SORCS2: variants seen among roughly 807,000 people sequenced by gnomAD.
SORCS2 encodes sortilin related VPS10 domain containing receptor 2.
SORCS2 carries 100 observed loss-of-function variants against 141.6 expected under a neutral mutation model. That is an observed-to-expected ratio of 0.71 (90% CI 0.60 to 0.83). The LOEUF is 0.83. Ranked by LOEUF, SORCS2 falls within the 40% of genes least tolerant of loss-of-function variation. The pLI is 0.00. For synonymous variants in SORCS2, 789 were observed against 676.9 expected (o/e 1.17, Z -2.57); for missense variants, 1,646 against 1,560.2 (o/e 1.05, Z -0.93).
chr4:7,434,476 G>A, intron 2 of SORCS2: 2 of 1,611,566 alleles, frequency 1.2e-6, no homozygotes, highest in Non-Finnish European at 1.7e-6. Context: ...GCTGAGCGCT[G>A]TGCACACCTG....
At chr4:7,364,243 C>A (rs536515561) in intron 1 of SORCS2, among the ~76,000 whole-genome samples, 3 of 152,350 alleles carry the variant, frequency 2.0e-5, no homozygotes, top group South Asian at 4.1e-4. Context: ...AGGTACCCAA[C>A]CCACCCTGGA....
At position 7,525,471 on chromosome 4, in the gene SORCS2, C is replaced by T. The variant is rs1446739574; in HGVS notation, c.549-6059C>T. On this transcript the variant is annotated intron_variant, in intron 2 of 26. Coordinates refer to ENST00000507866, the MANE Select transcript of SORCS2 (RefSeq NM_020777.3). Reference sequence around the variant, plus strand: ...CCAGACCCCCCAACCGTGCTTCACCCGGGGGCAGTCCTGACTCCCAGCCCA... The same window carrying T: ...CCAGACCCCCCAACCGTGCTTCACCTGGGGGCAGTCCTGACTCCCAGCCCA... 5.3e-5 allele frequency among the ~76,000 whole-genome samples: 8 copies of T among 152,120 alleles called. No homozygotes were observed. The South Asian group carries it at 8.3e-4, about 16-fold the overall frequency.
intron 4 of SORCS2, among the ~76,000 whole-genome samples, chr4:7,642,263 G>A (rs1426727164): frequency 1.3e-5 from 2 of 152,220 alleles, no homozygotes; most frequent in Admixed American, 1.3e-4. Context: ...CTTCCTTGGG[G>A]ATGGCTTGTG....
chr4:7,653,533 G>T (rs1161359141), intron 4 of SORCS2, among the ~76,000 whole-genome samples: 1 of 152,148 alleles, frequency 6.6e-6, no homozygotes, highest in Admixed American at 6.5e-5. Context: ...GTGAGCCACC[G>T]CACCTGGCCC....
intron 3 of SORCS2, among the ~76,000 whole-genome samples, chr4:7,637,701 A>G (rs1372252016): frequency 1.3e-5 from 2 of 152,072 alleles, no homozygotes; most frequent in Non-Finnish European, 2.9e-5. Context: ...GCACTCATGA[A>G]TGAATGAATG....
chr4:7,386,001 G>T (rs1001016963), intron 1 of SORCS2, among the ~76,000 whole-genome samples: 1 of 152,214 alleles, frequency 6.6e-6, no homozygotes, highest in Non-Finnish European at 1.5e-5. Flanking sequence ...GAGGGAGGCT[G>T]TGGCCAGACT....
intron 3 of SORCS2, among the ~76,000 whole-genome samples, chr4:7,601,011 G>C (rs1436366526): frequency 6.6e-6 from 1 of 152,172 alleles, no homozygotes; most frequent in Non-Finnish European, 1.5e-5. Flanking sequence ...TCAGCCTCCT[G>C]AGTAGCTGGG....
chr4:7,259,647 G>A (rs1263102475), intron 1 of SORCS2, among the ~76,000 whole-genome samples: 1 of 152,136 alleles, frequency 6.6e-6, no homozygotes, highest in Non-Finnish European at 1.5e-5. Context: ...CTCCCCTCCT[G>A]CCTCCCGCCC....
chr4:7,556,019 A>T (rs895809573), intron 3 of SORCS2, among the ~76,000 whole-genome samples: 1 of 152,244 alleles, frequency 6.6e-6, no homozygotes, highest in African/African-American at 2.4e-5. Flanking sequence ...CTCAACTCAC[A>T]TCGCGATGCT....
chr4:7,379,648 GC>G (rs1368052293), intron 1 of SORCS2, among the ~76,000 whole-genome samples: 9 of 152,170 alleles, frequency 5.9e-5, no homozygotes, highest in African/African-American at 2.2e-4. Flanking sequence ...TGGGTAACCT[GC>G]CCAAAGCCAC....
intron 3 of SORCS2, among the ~76,000 whole-genome samples, chr4:7,567,268 A>G (rs1560392253): frequency 6.6e-6 from 1 of 152,116 alleles, no homozygotes; most frequent in South Asian, 2.1e-4. Flanking sequence ...TGCAAACTGT[A>G]TTCAGATTTC....
intron 2 of SORCS2, among the ~76,000 whole-genome samples, chr4:7,399,836 G>A (rs371362258): frequency 6.8e-4 from 103 of 152,280 alleles, no homozygotes; most frequent in African/African-American, 2.3e-3. Flanking sequence ...GGGAAGGCGT[G>A]AGTTCAAGGT....
chr4:7,496,442 T>G (rs1001170214), intron 2 of SORCS2, among the ~76,000 whole-genome samples: 1 of 64,926 alleles, frequency 1.5e-5, no homozygotes, highest in Non-Finnish European at 3.1e-5. Flanking sequence ...CCCCCCCCAC[T>G]CCCCACCCGT....
chr4:7,623,052 G>A (rs1719306081), intron 3 of SORCS2, among the ~76,000 whole-genome samples: 1 of 151,938 alleles, frequency 6.6e-6, no homozygotes, highest in African/African-American at 2.4e-5. Context: ...GACAGAAGAC[G>A]GTGCTACCTC....
chr4:7,733,167 C>T (rs1313584262), intron 23 of SORCS2, among the ~76,000 whole-genome samples, 155 bp from the exon 24 acceptor site: 4 of 148,896 alleles, frequency 2.7e-5, no homozygotes, highest in African/African-American at 9.9e-5. Flanking sequence ...TCCCCCACCC[C>T]CCATGGAGGA....
At chr4:7,468,502 T>C (rs1282997260) in intron 2 of SORCS2, among the ~76,000 whole-genome samples, 1 of 152,236 alleles carries the variant, frequency 6.6e-6, no homozygotes, top group Non-Finnish European at 1.5e-5. Flanking sequence ...GGGGGTTACT[T>C]TCCTTCTGTG....
intron 2 of SORCS2, among the ~76,000 whole-genome samples, chr4:7,426,052 CG>C (rs770994784): frequency 2.6e-5 from 4 of 152,342 alleles, no homozygotes; most frequent in South Asian, 2.1e-4. Context: ...ATGCTGGAGG[CG>C]TGGGCAGTGT....
intron 1 of SORCS2, among the ~76,000 whole-genome samples, chr4:7,271,739 G>T (rs183484109): frequency 2.6e-5 from 4 of 152,392 alleles, no homozygotes; most frequent in Non-Finnish European, 5.9e-5. Flanking sequence ...GATGGCATGA[G>T]TGGGCTGCCC....
intron 2 of SORCS2, among the ~76,000 whole-genome samples, chr4:7,444,851 T>C (rs1727888644): frequency 6.6e-6 from 1 of 152,078 alleles, no homozygotes; most frequent in Non-Finnish European, 1.5e-5. Context: ...TAAACAGGAT[T>C]TGTAGTTGGT....
Sources: gnomAD v4.1 joint callset for allele counts (sites outside exome capture counted in the v4.1 genomes callset) on GRCh38, gnomAD v4.1.1 for gene constraint, MANE v1.5 for transcripts, NCBI Gene and HGNC (gene_info 2026-07-23, HGNC 2026-07-21) for gene names.